The following SOAT1 variants were observed in gnomAD, a reference collection of about 807,000 sequenced individuals.
SOAT1 encodes acyl-coenzyme A:cholesterol acyltransferase 1.
A neutral mutation model predicts 69.5 loss-of-function variants in SOAT1; 55 were observed. The observed-to-expected ratio is 0.79, with a 90% confidence interval of 0.64 to 0.99. The LOEUF is 0.99. Among genes scored for constraint, SOAT1 ranks in the 50% least tolerant of loss-of-function variants. The pLI, the probability that SOAT1 is intolerant of heterozygous loss-of-function variation, is 0.00. For missense variants in SOAT1, 580 were observed against 669.3 expected, an observed-to-expected ratio of 0.87 and a Z score of 1.47; for synonymous variants, 231 against 224.7, an observed-to-expected ratio of 1.03 and a Z score of -0.25.
At chr1:179,351,021 C>CTTTTTTTTTTTTTTTTT (rs201449849) in intron 14 of SOAT1, among the ~76,000 whole-genome samples, 15 of 127,588 alleles carry the variant, frequency 1.2e-4, no homozygotes, top group African/African-American at 1.4e-4. Context: ...ATATTTCTTT[C>CTTTTTTTTTTTTTTTTT]TTTTTTTTTT....
rs992537296 is a variant in SOAT1, at chr1:179,353,868, G to A, written c.*227G>A. 3.9e-6 allele frequency: 2 copies of A among 509,676 alleles called. No individual in the cohort carries two copies. Among genetic ancestry groups the A allele is most frequent in the East Asian group, 7.1e-5 (2 of 28,180 alleles). The allele number at this position is 509,676 out of a possible 1,614,324, so 31.6% of individuals were successfully genotyped here. On this transcript the variant is annotated 3_prime_UTR_variant, in exon 16 of 16. Transcript: ENST00000367619. ...CTTTTTTTGTGGGGCTGGGTGGGGG[G>A]AGAAGACCGACTAACAGCTGAAGTA...
rs781167657 is a variant in SOAT1, at chr1:179,348,962, T to G, written c.1314+20T>G. 6.5e-6 allele frequency: 8 copies of G among 1,238,018 alleles called. No homozygotes were observed. The highest frequency in any genetic ancestry group is 1.5e-5 in the African/African-American group (1 of 67,404). The allele number at this position is 1,238,018 out of a possible 1,614,324, so 76.7% of individuals were successfully genotyped here. The stretch of plus-strand genomic sequence containing the variant: ...CTCTGGGTAAGTAGCAAGGTTTAAG[T>G]TGATATTATTTATGAAATGGAGATT... On this transcript the variant is annotated intron_variant, in intron 13 of 15. Coordinates refer to ENST00000367619, the MANE Select transcript of SOAT1 (RefSeq NM_003101.6).
intron 1 of SOAT1, among the ~76,000 whole-genome samples, chr1:179,297,037 T>C (rs974243206): frequency 6.6e-6 from 1 of 152,208 alleles, no homozygotes; most frequent in African/African-American, 2.4e-5. Context: ...TTATGTTACC[T>C]GTGACTTTGA....
At chr1:179,322,932 T>G (rs1198595052) in intron 2 of SOAT1, among the ~76,000 whole-genome samples, 1 of 152,174 alleles carries the variant, frequency 6.6e-6, no homozygotes, top group Non-Finnish European at 1.5e-5. Flanking sequence ...TGTGTACTAT[T>G]CTGCAAAAAT....
intron 3 of SOAT1, among the ~76,000 whole-genome samples, chr1:179,331,210 TTTA>T (rs1416959998): frequency 6.6e-6 from 1 of 152,222 alleles, no homozygotes; most frequent in African/African-American, 2.4e-5. Context: ...TGAAAGTCAG[TTTA>T]TTGTGCTTTA....
chr1:179,326,796 T>G (rs1395457673), intron 3 of SOAT1, among the ~76,000 whole-genome samples: 1 of 152,048 alleles, frequency 6.6e-6, no homozygotes. Flanking sequence ...TGGCCTCAAA[T>G]GATCCACCCC....
chr1:179,296,634 C>T (rs1267859344), intron 1 of SOAT1, among the ~76,000 whole-genome samples: 2 of 152,158 alleles, frequency 1.3e-5, no homozygotes, highest in South Asian at 2.1e-4. Flanking sequence ...GTGTTAGGGC[C>T]AACCTTTGGG....
chr1:179,315,884 A>T (rs6692684), intron 2 of SOAT1, among the ~76,000 whole-genome samples: 41,060 of 152,096 alleles, frequency 0.27, 5,727 homozygotes, highest in East Asian at 0.46. Flanking sequence ...TTTTGTCTTC[A>T]TTTTTTTATG....
intron 15 of SOAT1, among the ~76,000 whole-genome samples, chr1:179,352,048 T>A (rs1338467962): frequency 6.6e-6 from 1 of 151,828 alleles, no homozygotes; most frequent in Admixed American, 6.6e-5. Context: ...ATGCCATGTA[T>A]GTCCCTACTA....
chr1:179,323,415 T>C, intron 2 of SOAT1, 22 bp from the exon 3 acceptor site: 1 of 1,610,294 alleles, frequency 6.2e-7, no homozygotes, highest in Non-Finnish European at 8.5e-7. Flanking sequence ...AACTTAAAAG[T>C]CATGTTTTTT....
chr1:179,339,309 A>T, intron 5 of SOAT1, 129 bp from the exon 6 acceptor site: 1 of 505,604 alleles, frequency 2.0e-6, no homozygotes, highest in Non-Finnish European at 3.4e-6. Flanking sequence ...TTCTTTTTTG[A>T]GATGTTTTTG....
At chr1:179,308,732 T>G (rs1326727864) in intron 2 of SOAT1, among the ~76,000 whole-genome samples, 1 of 152,036 alleles carries the variant, frequency 6.6e-6, no homozygotes, top group Non-Finnish European at 1.5e-5. Flanking sequence ...CATATAAATT[T>G]TTTTACATTT....
chr1:179,330,069 A>AGCAGTAGAGAAGGAGT (rs1558049539), intron 3 of SOAT1, among the ~76,000 whole-genome samples: 1 of 152,152 alleles, frequency 6.6e-6, no homozygotes, highest in African/African-American at 2.4e-5. Flanking sequence ...ACAGTGGTAA[A>AGCAGTAGAGAAGGAGT]GCAGTAGAGA....
chr1:179,310,625 C>T (rs1415298311), intron 2 of SOAT1, among the ~76,000 whole-genome samples: 2 of 152,170 alleles, frequency 1.3e-5, no homozygotes, highest in African/African-American at 4.8e-5. Context: ...ACTCCTAAAC[C>T]TAACCATACT....
intron 1 of SOAT1, among the ~76,000 whole-genome samples, chr1:179,295,837 C>T (rs371428185): frequency 1.6e-5 from 2 of 123,834 alleles, no homozygotes; most frequent in African/African-American, 6.3e-5. Flanking sequence ...TGGAGTTTGG[C>T]GCTTGTTGCC....
chr1:179,308,326 C>T (rs1220207188), intron 2 of SOAT1, among the ~76,000 whole-genome samples: 1 of 152,028 alleles, frequency 6.6e-6, no homozygotes, highest in Non-Finnish European at 1.5e-5. Flanking sequence ...ACAGTTGATA[C>T]AGATGTGGTG....
intron 2 of SOAT1, among the ~76,000 whole-genome samples, chr1:179,313,038 T>C (rs1332015014): frequency 1.3e-5 from 2 of 152,230 alleles, no homozygotes; most frequent in African/African-American, 2.4e-5. Flanking sequence ...CATGTCCTTA[T>C]TTGGGAAGCA....
At chr1:179,340,913 C>A in intron 6 of SOAT1, 115 bp from the exon 7 acceptor site, 1 of 861,110 alleles carries the variant, frequency 1.2e-6, no homozygotes, top group Non-Finnish European at 1.8e-6. Flanking sequence ...AGCGTATTAA[C>A]GTTGTGGTGT....
At chr1:179,348,443 C>G (rs1483438096) in intron 12 of SOAT1, among the ~76,000 whole-genome samples, 1 of 152,112 alleles carries the variant, frequency 6.6e-6, no homozygotes, top group African/African-American at 2.4e-5. Context: ...CCAAACAGCT[C>G]TCTAGTGTTA....
Sources: allele counts gnomAD v4.1 joint callset (sites outside exome capture counted in the v4.1 genomes callset), GRCh38; gene constraint gnomAD v4.1.1; transcripts MANE v1.5; gene names NCBI Gene and HGNC (gene_info 2026-07-23, HGNC 2026-07-21).